The following AEBP2 variants were observed in gnomAD, a reference collection of about 807,000 sequenced individuals.
The protein encoded by AEBP2 is AE binding protein 2, also known as zinc finger protein AEBP2.
AEBP2 carries 10 observed loss-of-function variants against 50.8 expected under a neutral mutation model. The observed-to-expected ratio is 0.20, with a 90% CI of 0.12 to 0.33. AEBP2 has a LOEUF of 0.33. AEBP2 is among the 10% of genes least tolerant of loss of function. The pLI is 1.00. For synonymous variants in AEBP2, 296 were observed against 261.3 expected, an observed-to-expected ratio of 1.13 and a Z score of -1.28; for missense variants, 570 against 688.0, an observed-to-expected ratio of 0.83 and a Z score of 1.92.
intron 1 of AEBP2, among the ~76,000 whole-genome samples, chr12:19,451,804 C>T (rs1439890036): frequency 6.6e-6 from 1 of 152,042 alleles, no homozygotes; most frequent in East Asian, 1.9e-4. Flanking sequence ...GATACTCAAG[C>T]CATCCTACCA....
intron 1 of AEBP2, among the ~76,000 whole-genome samples, chr12:19,443,159 C>T (rs1947993910): frequency 6.6e-6 from 1 of 151,222 alleles, no homozygotes; most frequent in African/African-American, 2.4e-5. Flanking sequence ...TGCAGTGGTA[C>T]GATCTCGGCT....
At chr12:19,503,831 T>C (rs1198961271) in intron 5 of AEBP2, among the ~76,000 whole-genome samples, 2 of 152,080 alleles carry the variant, frequency 1.3e-5, no homozygotes, top group Non-Finnish European at 2.9e-5. Flanking sequence ...TGATATCCTT[T>C]GTCTTTCTTT....
intron 1 of AEBP2, chr12:19,413,191 G>A: frequency 1.3e-6 from 1 of 767,834 alleles, no homozygotes; most frequent in Admixed American, 1.7e-5. Flanking sequence ...CAAAGCACAG[G>A]GAAGCAGAAA....
rs113506815 is a variant in AEBP2, at chr12:19,483,408, T to C, written c.987+10053T>C. Among the ~76,000 whole-genome samples, 435 of 152,298 alleles carry C rather than the reference T, an allele frequency of 2.9e-3. 1 individual carries two copies. The highest frequency in any genetic ancestry group is 9.9e-3 in the African/African-American group (410 of 41,574). On this transcript the variant is annotated intron_variant, in intron 3 of 7. Coordinates refer to ENST00000266508, the MANE Select transcript of AEBP2 (RefSeq NM_153207.5). ...GTGTGGAGGCAGGTTTTCTCTCTCT[T>C]ACACTTTGGGAACTCACAGTTTTTT...
intron 2 of AEBP2, among the ~76,000 whole-genome samples, chr12:19,464,304 A>G (rs1331270838): frequency 1.3e-5 from 2 of 151,996 alleles, no homozygotes; most frequent in East Asian, 3.9e-4. Context: ...TTTGTGAGCC[A>G]GTGCTTGATG....
intron 4 of AEBP2, among the ~76,000 whole-genome samples, 190 bp from the exon 5 acceptor site, chr12:19,499,907 A>G (rs932972204): frequency 2.0e-5 from 3 of 152,182 alleles, no homozygotes; most frequent in African/African-American, 4.8e-5. Flanking sequence ...ATTAACCCAC[A>G]TTCACTCATT....
At chr12:19,516,353 G>C (rs1045242729) in intron 7 of AEBP2, among the ~76,000 whole-genome samples, 1 of 152,140 alleles carries the variant, frequency 6.6e-6, no homozygotes, top group African/African-American at 2.4e-5. Flanking sequence ...TTTTGGGAGA[G>C]CCACTCTTGC....
intron 5 of AEBP2, among the ~76,000 whole-genome samples, chr12:19,504,458 T>C (rs1160517537): frequency 1.3e-5 from 2 of 151,870 alleles, no homozygotes; most frequent in Non-Finnish European, 2.9e-5. Context: ...GCAAGGATGC[T>C]CTCGATCTCC....
chr12:19,518,444 T>TTTTTC lies in AEBP2; in HGVS notation c.*335_*339dup. 8.1e-7 allele frequency: 1 copy of TTTTTC among 1,237,610 alleles called. No individual in the cohort carries two copies. The highest frequency in any genetic ancestry group is 1.0e-6 in the Non-Finnish European group (1 of 988,786). 76.7% of individuals were successfully genotyped at this position (1,237,610 alleles called of 1,614,324 possible). A position where few individuals can be genotyped will look rare whatever the true frequency, so the allele number is the denominator to read the frequency against. ...TGCTTGCTGCTTTAAGCTGCTTTTT[T>TTTTTC]TTTTCTTTTCTTCCCTTTAGTGATT... is the stretch of plus-strand genomic sequence containing the variant. On this transcript the variant is annotated 3_prime_UTR_variant, in exon 8 of 8. Transcript: ENST00000266508.
intron 1 of AEBP2, among the ~76,000 whole-genome samples, chr12:19,428,458 T>C (rs896446757): frequency 6.6e-6 from 1 of 152,100 alleles, no homozygotes; most frequent in Non-Finnish European, 1.5e-5. Context: ...AGGAAGGAGA[T>C]AGGAATCAGA....
chr12:19,483,334 G>A (rs771392432), intron 3 of AEBP2, among the ~76,000 whole-genome samples: 7 of 152,110 alleles, frequency 4.6e-5, no homozygotes, highest in Non-Finnish European at 1.0e-4. Context: ...GGTTAAATCC[G>A]TCTCGTCTCC....
chr12:19,466,983 T>C (rs1160764510), intron 2 of AEBP2: 7 of 181,512 alleles, frequency 3.9e-5, no homozygotes, highest in Non-Finnish European at 7.4e-5. Context: ...TTAAGTTGTT[T>C]ATGTTGCTAT....
chr12:19,471,883 GT>G (rs1948578985), intron 2 of AEBP2, among the ~76,000 whole-genome samples: 1 of 152,012 alleles, frequency 6.6e-6, no homozygotes, highest in Non-Finnish European at 1.5e-5. Context: ...ATTTTTAAAA[GT>G]TACTTTTAAC....
chr12:19,512,751 C>T (rs1261085884), intron 6 of AEBP2, among the ~76,000 whole-genome samples: 1 of 151,830 alleles, frequency 6.6e-6, no homozygotes, highest in African/African-American at 2.4e-5. Flanking sequence ...AGTTCGAGAC[C>T]AGCCTGGCCA....
At chr12:19,430,659 G>A (rs2095750945) in intron 1 of AEBP2, among the ~76,000 whole-genome samples, 1 of 152,086 alleles carries the variant, frequency 6.6e-6, no homozygotes, top group African/African-American at 2.4e-5. Context: ...TCATTGAGCA[G>A]TAGTTTGTAG....
At chr12:19,434,586 C>T (rs1487314447), upstream of AEBP2, among the ~76,000 whole-genome samples, 2 of 152,196 alleles carry the variant, frequency 1.3e-5, no homozygotes, top group Admixed American at 6.5e-5. Context: ...ACCGGGAATG[C>T]ACAGTTTATG....
Position 19,521,811 on chromosome 12 carries a change from C to T in AEBP2, c.*3694C>T, listed in dbSNP as rs985399906. The T allele has an allele frequency of 2.6e-5, 4 of 151,872 alleles. No individual in the cohort carries two copies. The highest frequency in any genetic ancestry group is 9.7e-5 in the African/African-American group (4 of 41,370). The allele number at this position is 151,872 out of a possible 1,614,324, so 9.4% of individuals were successfully genotyped here. Reference sequence around the variant, plus strand: ...TTATTTTTTCTTTGAATTCTTAATTCATGGTGAACAGATGTTGGGTTCTTA... The same window carrying T: ...TTATTTTTTCTTTGAATTCTTAATTTATGGTGAACAGATGTTGGGTTCTTA... On this transcript the variant is annotated 3_prime_UTR_variant, in exon 8 of 8. Transcript: ENST00000266508.
chr12:19,451,375 C>T (rs1255950645), intron 1 of AEBP2, among the ~76,000 whole-genome samples: 4 of 152,170 alleles, frequency 2.6e-5, no homozygotes, highest in Non-Finnish European at 5.9e-5. Flanking sequence ...GGGGTCAGAA[C>T]AGCTGGGGCT....
rs546999846 is a variant in AEBP2, at chr12:19,467,817, T to C, written c.879+5100T>C. Among the ~76,000 whole-genome samples the C allele has an allele frequency of 5.9e-5, 9 of 152,316 alleles. No homozygotes were observed. The South Asian group carries it at 1.5e-3, about 25-fold the overall frequency. ...AGCCAGAGGTTTAGGTTTCTTGATA[T>C]AGGATTTATTTTCTGTGTCATTTGA... is the stretch of plus-strand genomic sequence containing the variant. On this transcript the variant is annotated intron_variant, in intron 2 of 7. Transcript: ENST00000266508.
Sources: gnomAD v4.1 joint callset for allele counts (sites outside exome capture counted in the v4.1 genomes callset) on GRCh38, gnomAD v4.1.1 for gene constraint, MANE v1.5 for transcripts, NCBI Gene and HGNC (gene_info 2026-07-23, HGNC 2026-07-21) for gene names.